Variants in TTC39B observed in about 807,000 individuals in gnomAD.
TTC39B encodes tetratricopeptide repeat domain 39B, also known as tetratricopeptide repeat protein 39B.
TTC39B carries 92 observed loss-of-function variants against 96.6 expected under a neutral mutation model. The observed-to-expected ratio is 0.95, with a 90% confidence interval of 0.80 to 1.13. The LOEUF is 1.13. Ranked by LOEUF, TTC39B falls within the 50% of genes most tolerant of loss-of-function variation. The pLI, the probability that TTC39B is intolerant of heterozygous loss-of-function variation, is 0.00. For missense variants in TTC39B, 955 were observed against 809.3 expected (o/e 1.18, Z -2.18); for synonymous variants, 367 against 299.4 (o/e 1.23, Z -2.33).
chr9:15,231,503 G>C (rs79863254), intron 2 of TTC39B, among the ~76,000 whole-genome samples: 3,391 of 152,174 alleles, frequency 0.022, 121 homozygotes, highest in African/African-American at 0.076. Flanking sequence ...GTCTTCTTTG[G>C]AGTAATGTCT....
At chr9:15,198,455 C>T (rs1223421832) in intron 8 of TTC39B, among the ~76,000 whole-genome samples, 4 of 73,600 alleles carry the variant, frequency 5.4e-5, no homozygotes, top group African/African-American at 8.5e-5. Flanking sequence ...AGGTCTCGGT[C>T]GCAAAAATAT....
chr9:15,199,659 T>C (rs1215175), intron 8 of TTC39B, among the ~76,000 whole-genome samples: 123,773 of 147,540 alleles, frequency 0.84, 52,132 homozygotes, highest in African/African-American at 0.93. Flanking sequence ...GGCGTGAACC[T>C]GAGAGGCGGA....
chr9:15,198,232 G>T (rs1819294014), intron 8 of TTC39B, among the ~76,000 whole-genome samples: 1 of 152,130 alleles, frequency 6.6e-6, no homozygotes, highest in African/African-American at 2.4e-5. Context: ...GCCAAGACGG[G>T]TGGATCACGA....
intron 5 of TTC39B, among the ~76,000 whole-genome samples, 169 bp downstream of exon 5, chr9:15,211,097 G>C (rs546680518): frequency 2.0e-4 from 31 of 151,334 alleles, no homozygotes; most frequent in African/African-American, 7.0e-4. Context: ...AAGAAAAGTG[G>C]AATATGTAGA....
intron 2 of TTC39B, among the ~76,000 whole-genome samples, chr9:15,250,452 A>T (rs888964232): frequency 6.6e-6 from 1 of 152,244 alleles, no homozygotes; most frequent in African/African-American, 2.4e-5. Flanking sequence ...CTTAAGGAAA[A>T]ATGTAGGCTG....
chr9:15,261,591 C>G (rs12349572), intron 2 of TTC39B, among the ~76,000 whole-genome samples: 9 of 151,968 alleles, frequency 5.9e-5, no homozygotes, highest in Non-Finnish European at 1.2e-4. Flanking sequence ...CAGGGCCCCA[C>G]TGGTGTTTCA....
intron 1 of TTC39B, 54 bp downstream of exon 1, chr9:15,307,029 CG>C: frequency 6.3e-7 from 1 of 1,585,902 alleles, no homozygotes; most frequent in Admixed American, 1.8e-5. Flanking sequence ...TCTTCTCTCC[CG>C]GACTCCTGTC....
chr9:15,199,762 A>AAAAAAAAAAC, intron 8 of TTC39B, 99 bp downstream of exon 8: 1 of 394,512 alleles, frequency 2.5e-6, no homozygotes, highest in Admixed American at 4.9e-5. Context: ...AAAAAAAAAA[A>AAAAAAAAAAC]AAAAAATCCT....
At chr9:15,233,185 G>A (rs1426174411) in intron 2 of TTC39B, among the ~76,000 whole-genome samples, 1 of 152,150 alleles carries the variant, frequency 6.6e-6, no homozygotes, top group African/African-American at 2.4e-5. Context: ...CTAGCCCCAC[G>A]CGACGGCTAG....
chr9:15,201,581 G>C (rs1215691893), intron 7 of TTC39B, among the ~76,000 whole-genome samples: 1 of 152,142 alleles, frequency 6.6e-6, no homozygotes, highest in Non-Finnish European at 1.5e-5. Flanking sequence ...AACTCAAGTG[G>C]AAAGACAGGG....
intron 2 of TTC39B, among the ~76,000 whole-genome samples, chr9:15,243,443 T>C (rs542425843): frequency 1.3e-5 from 2 of 152,282 alleles, no homozygotes; most frequent in South Asian, 2.1e-4. Context: ...ACCCTACTCA[T>C]TAAGGGGCAG....
rs879373041 is a variant in TTC39B, at chr9:15,186,308, AGGTGG to A, written c.1487+631_1487+635del. On this transcript the variant is annotated intron_variant, in intron 15 of 19. Coordinates refer to ENST00000512701, the Ensembl canonical transcript of TTC39B. ...CAGTGGAAAAGGCAGTGGAAATGTG[AGGTGG>A]GGGTCAGAGGAAGGGGTCAGAAGCA... Among the ~76,000 whole-genome samples the A allele has an allele frequency of 9.3e-3, 1,420 of 152,276 alleles. 23 individuals carry two copies. The highest frequency in any genetic ancestry group is 0.032 in the African/African-American group (1,342 of 41,556).
chr9:15,239,521 T>C (rs180963972), intron 2 of TTC39B, among the ~76,000 whole-genome samples: 2 of 152,318 alleles, frequency 1.3e-5, no homozygotes, highest in Admixed American at 1.3e-4. Context: ...AACCTAGGTG[T>C]CCATCAATGG....
At position 15,241,175 on chromosome 9, in the gene TTC39B, A is replaced by G. The variant is rs368479578; in HGVS notation, c.276-15163T>C. The stretch of plus-strand genomic sequence containing the variant: ...TCTGTATGGAAAATGGGGAATGACA[A>G]GCTCATTCAAATAGATGGATTCATA... On this transcript the variant is annotated intron_variant, in intron 2 of 19. Coordinates refer to ENST00000512701, the Ensembl canonical transcript of TTC39B. 1.7e-3 allele frequency among the ~76,000 whole-genome samples: 252 copies of G among 152,310 alleles called. 7 individuals are homozygous for G. In the South Asian group the frequency reaches 0.049, roughly 30 times the overall value.
Position 15,280,527 on chromosome 9 carries a change from G to A in TTC39B, c.241-12579C>T, listed in dbSNP as rs116533431. On this transcript the variant is annotated intron_variant, in intron 1 of 19. Transcript: ENST00000512701. ...ACTGCCTTCAAGATTTAAATTCAAG[G>A]GAGAAATAACACTAAGAACAAAGAC... Among the ~76,000 whole-genome samples, 1,231 of 152,268 alleles carry A rather than the reference G, an allele frequency of 8.1e-3. 18 individuals carry two copies. The highest frequency in any genetic ancestry group is 0.028 in the African/African-American group (1,183 of 41,548).
chr9:15,199,249 T>C (rs1013885560), intron 8 of TTC39B, among the ~76,000 whole-genome samples: 2 of 152,206 alleles, frequency 1.3e-5, no homozygotes, highest in Non-Finnish European at 2.9e-5. Context: ...GAACCAAAGA[T>C]ATTACTATAA....
Position 15,217,171 on chromosome 9 carries a change from A to G in TTC39B, c.372-2922T>C, listed in dbSNP as rs563214727. Among the ~76,000 whole-genome samples, 5 of 152,338 alleles carry G rather than the reference A, an allele frequency of 3.3e-5. No homozygotes were observed. In the East Asian group the frequency reaches 7.7e-4, roughly 23 times the overall value. ...CATAGTGGCAGAGAGGATGTATTTT[A>G]TTCTTTGAACAAAAGAAAATACATC... On this transcript the variant is annotated intron_variant, in intron 3 of 19. Coordinates refer to ENST00000512701, the Ensembl canonical transcript of TTC39B.
chr9:15,253,442 C>G (rs147068166), intron 2 of TTC39B, among the ~76,000 whole-genome samples: 1 of 152,222 alleles, frequency 6.6e-6, no homozygotes, highest in African/African-American at 2.4e-5. Flanking sequence ...AATGGATTCT[C>G]CTCTAGAGCC....
chr9:15,267,062 G>C (rs1004317083), intron 2 of TTC39B, among the ~76,000 whole-genome samples: 2 of 152,150 alleles, frequency 1.3e-5, no homozygotes, highest in Admixed American at 6.5e-5. Flanking sequence ...CTGGGCGACA[G>C]AGCGAGACTC....
Sources: gnomAD v4.1 joint callset for allele counts (sites outside exome capture counted in the v4.1 genomes callset) on GRCh38, gnomAD v4.1.1 for gene constraint, MANE v1.5 for transcripts, NCBI Gene and HGNC (gene_info 2026-07-23, HGNC 2026-07-21) for gene names.